PRKG2: variants seen among roughly 807,000 people sequenced by gnomAD.
PRKG2 encodes the protein protein kinase cGMP-dependent 2, also known as cGMP-dependent protein kinase 2.
Under a neutral mutation model 97.2 loss-of-function variants are expected in PRKG2, and 33 were observed. That is an observed-to-expected ratio of 0.34 (90% CI 0.26 to 0.45). The LOEUF (loss-of-function observed/expected upper bound fraction) is 0.45. Ranked by LOEUF, PRKG2 falls within the 20% of genes least tolerant of loss-of-function variation. PRKG2 has a pLI of 1.00. For missense variants in PRKG2, 638 were observed against 900.0 expected, an observed-to-expected ratio of 0.71 and a Z score of 3.73; for synonymous variants, 330 against 321.8, an observed-to-expected ratio of 1.03 and a Z score of -0.27.
Position 81,152,031 on chromosome 4 carries a change from T to C in PRKG2, c.1014A>G (p.Glu338=), listed in dbSNP as rs985153642. 7 of 1,612,734 alleles carry C rather than the reference T, an allele frequency of 4.3e-6. No homozygotes were observed. The highest frequency in any genetic ancestry group is 5.9e-6 in the Non-Finnish European group (7 of 1,179,256). ...KGKVKVTQST[E]GHDQPQLIKT... ...TTATCAGCTGTGGTTGATCATGGCC[T>C]TCTGTGCTCTGTGTTACTTTTACCT... Residue 338 remains glutamate, a synonymous_variant, in exon 8 of 19, where the codon GAA becomes GAG. Transcript: ENST00000264399.
intron 8 of PRKG2, among the ~76,000 whole-genome samples, chr4:81,149,468 T>C (rs1393299162): frequency 6.6e-6 from 1 of 152,206 alleles, no homozygotes; most frequent in African/African-American, 2.4e-5. Context: ...TATTTTTCCA[T>C]TAAAATCTCT....
chr4:81,167,723 A>G (rs1017617054), intron 5 of PRKG2, among the ~76,000 whole-genome samples: 2 of 152,050 alleles, frequency 1.3e-5, no homozygotes, highest in African/African-American at 2.4e-5. Context: ...TATTAGTCAT[A>G]CTGTACTGTC....
intron 2 of PRKG2, among the ~76,000 whole-genome samples, chr4:81,178,499 T>C (rs1751123387): frequency 6.6e-6 from 1 of 152,102 alleles, no homozygotes; most frequent in African/African-American, 2.4e-5. Flanking sequence ...CAAATGGAGA[T>C]GTCAGTAGAA....
At chr4:81,103,024 AT>A (rs1398277385) in intron 17 of PRKG2, among the ~76,000 whole-genome samples, 5 of 152,198 alleles carry the variant, frequency 3.3e-5, no homozygotes, top group Non-Finnish European at 1.5e-5. Flanking sequence ...CTTAAAAGTA[AT>A]TTTTTTATCT....
chr4:81,140,158 T>G (rs920769990), intron 12 of PRKG2, among the ~76,000 whole-genome samples: 8 of 152,096 alleles, frequency 5.3e-5, no homozygotes, highest in African/African-American at 1.9e-4. Flanking sequence ...CTGGGAAAGG[T>G]AGTGGGGAGA....
At chr4:81,114,528 T>G (rs1744311167) in intron 14 of PRKG2, among the ~76,000 whole-genome samples, 2 of 152,188 alleles carry the variant, frequency 1.3e-5, no homozygotes, top group Non-Finnish European at 2.9e-5. Flanking sequence ...TGAGAGAAAC[T>G]TAACTGTCAA....
At chr4:81,136,120 G>A (rs1379419249) in intron 13 of PRKG2, among the ~76,000 whole-genome samples, 5 of 152,070 alleles carry the variant, frequency 3.3e-5, no homozygotes, top group East Asian at 3.9e-4. Context: ...GATAGAAGAC[G>A]CTAATGCATT....
At chr4:81,155,218 T>C (rs1748929474) in intron 6 of PRKG2, among the ~76,000 whole-genome samples, 1 of 140,352 alleles carries the variant, frequency 7.1e-6, no homozygotes, top group Non-Finnish European at 1.5e-5. Flanking sequence ...GGATAACCAA[T>C]ACAGAAAAGT....
chr4:81,115,688 T>C (rs1356173247), intron 14 of PRKG2, among the ~76,000 whole-genome samples: 1 of 152,182 alleles, frequency 6.6e-6, no homozygotes, highest in African/African-American at 2.4e-5. Context: ...GTGGTAAACA[T>C]CACTTTTGCT....
intron 2 of PRKG2, among the ~76,000 whole-genome samples, chr4:81,177,085 C>A (rs1031380449): frequency 2.0e-5 from 3 of 152,118 alleles, no homozygotes; most frequent in Admixed American, 6.5e-5. Context: ...TACCCCTCAA[C>A]CTTTCCAAAC....
chr4:81,134,077 T>G (rs144123661), intron 14 of PRKG2, among the ~76,000 whole-genome samples: 3 of 152,280 alleles, frequency 2.0e-5, no homozygotes, highest in South Asian at 4.1e-4. Flanking sequence ...ATGGATAAAA[T>G]AAAGCTTGAA....
At chr4:81,100,614 G>A (rs1206794913) in intron 17 of PRKG2, among the ~76,000 whole-genome samples, 2 of 152,118 alleles carry the variant, frequency 1.3e-5, no homozygotes, top group Non-Finnish European at 2.9e-5. Flanking sequence ...AAAAACCCTA[G>A]AAGAAAAATT....
intron 1 of PRKG2, among the ~76,000 whole-genome samples, chr4:81,210,082 T>A (rs1268248409): frequency 6.6e-6 from 1 of 151,958 alleles, no homozygotes; most frequent in Non-Finnish European, 1.5e-5. Context: ...AAAATTAGCT[T>A]AAAATGGATC....
intron 6 of PRKG2, among the ~76,000 whole-genome samples, chr4:81,160,441 C>T (rs1749514295): frequency 6.6e-6 from 1 of 152,164 alleles, no homozygotes; most frequent in Non-Finnish European, 1.5e-5. Context: ...CAATCACCAG[C>T]TTTCACCTGC....
chr4:81,118,787 GGTTTGTTT>G (rs956206051), intron 14 of PRKG2, among the ~76,000 whole-genome samples: 1 of 151,846 alleles, frequency 6.6e-6, no homozygotes, highest in African/African-American at 2.4e-5. Context: ...GTTTTCGTTT[GGTTTGTTT>G]GTTTGTTTGT....
At chr4:81,181,082 G>C (rs1316920221) in intron 2 of PRKG2, among the ~76,000 whole-genome samples, 2 of 148,262 alleles carry the variant, frequency 1.3e-5, no homozygotes, top group African/African-American at 2.5e-5. Flanking sequence ...AGAACATGCA[G>C]ATACACATTC....
chr4:81,114,718 T>C (rs1177832194), intron 14 of PRKG2, among the ~76,000 whole-genome samples: 1 of 152,190 alleles, frequency 6.6e-6, no homozygotes, highest in African/African-American at 2.4e-5. Context: ...GTTTAATAAC[T>C]AAACAGAACC....
Position 81,204,756 on chromosome 4 carries a change from G to C in PRKG2, c.292C>G (p.Pro98Ala), listed in dbSNP as rs1434403074. 1 of 1,614,188 alleles carries C rather than the reference G, an allele frequency of 6.2e-7. No individual in the cohort carries two copies. Among genetic ancestry groups the C allele is most frequent in the Admixed American group, 1.7e-5 (1 of 60,028 alleles). ...TGGACCTCAAGAGGCACTTTATCTGGAGAGGCCTGAAGCGGGCTTCCTCCC... is the reference window on the plus strand; with the variant it reads ...TGGACCTCAAGAGGCACTTTATCTGCAGAGGCCTGAAGCGGGCTTCCTCCC... ...MQGGSPLQASPDKVPLEVHRK... is the reference protein window; with the variant it reads ...MQGGSPLQASADKVPLEVHRK... Residue 98 changes from proline (P) to alanine (A), a missense_variant, in exon 2 of 19, where the codon CCA (proline) becomes GCA (alanine). Pro to Ala is a conservative substitution (Grantham distance 27). This residue lies in a region of PRKG2 where 332 missense variants were observed against 421.7 expected (regional missense o/e 0.79). Coordinates refer to ENST00000264399, the MANE Select transcript of PRKG2 (RefSeq NM_006259.3).
chr4:81,110,827 G>A (rs1395348076), intron 14 of PRKG2, among the ~76,000 whole-genome samples: 4 of 150,310 alleles, frequency 2.7e-5, no homozygotes, highest in East Asian at 1.9e-4. Flanking sequence ...TCCTTTGCAG[G>A]GTCAGGTGTG....
Sources: gnomAD v4.1 joint callset for allele counts (sites outside exome capture counted in the v4.1 genomes callset) on GRCh38, gnomAD v4.1.1 for gene constraint, gnomAD v4.1.1 regional missense constraint, MANE v1.5 for transcripts, NCBI Gene and HGNC (gene_info 2026-07-23, HGNC 2026-07-21) for gene names.